Variants in PPFIA3 observed in about 807,000 individuals in gnomAD.
PPFIA3 encodes the protein liprin-alpha-3.
PPFIA3 carries 26 observed loss-of-function variants against 145.8 expected under a neutral mutation model. That is an observed-to-expected ratio of 0.18 (90% CI 0.13 to 0.25). The LOEUF (loss-of-function observed/expected upper bound fraction) is 0.25. Ranked by LOEUF, PPFIA3 falls within the 10% of genes least tolerant of loss-of-function variation. The probability of loss-of-function intolerance (pLI) is 1.00; values close to 1 mark genes in which losing one functional copy is unlikely to be tolerated. For synonymous variants in PPFIA3, 645 were observed against 661.4 expected (o/e 0.98, Z 0.38); for missense variants, 1,008 against 1,587.8 (o/e 0.63, Z 6.21).
rs746307537 is a variant in PPFIA3 at position 49,141,516 on chromosome 19, G to A, written c.2462+3G>A. The A allele has an allele frequency of 1.5e-5, 24 of 1,608,358 alleles. No homozygotes were observed. The South Asian group carries it at 2.2e-4, about 15-fold the overall frequency. On this transcript the variant is annotated splice_donor_region_variant and intron_variant, in intron 19 of 29. Transcript: ENST00000334186. ...AAGGACCGAAGGAACAAGAGGAAGT[G>A]AGTGTGTGTGAGTGTGAGCGTGTGT...
Position 49,128,286 on chromosome 19 carries a change from T to C in PPFIA3, c.241-81T>C, listed in dbSNP as rs1244418383. On this transcript the variant is annotated intron_variant, in intron 2 of 29. Transcript: ENST00000334186. This position sits in a 1 kb window ranked among gnomAD's most constrained non-coding sequence, Gnocchi z 4.1. ...GGGACTTAGCAGGGAGGGCGGGACC[T>C]TCAAACTTCCAGTCCCAGTGAATGA... 3 of 1,553,398 alleles carry C rather than the reference T, an allele frequency of 1.9e-6. No individual in the cohort carries two copies. The highest frequency in any genetic ancestry group is 2.7e-6 in the Non-Finnish European group (3 of 1,126,776).
At chr19:49,143,154 A>T in intron 21 of PPFIA3, 150 bp downstream of exon 21, 1 of 911,488 alleles carries the variant, frequency 1.1e-6, no homozygotes, top group East Asian at 2.7e-5. Context: ...CTCCACTCCT[A>T]ACTTGGCCTG....
At position 49,133,967 on chromosome 19, in the gene PPFIA3, G is replaced by A. The variant is rs1600335191; in HGVS notation, c.1246-67G>A. 6.2e-7 allele frequency: 1 copy of A among 1,605,188 alleles called. No individual in the cohort carries two copies. The highest frequency in any genetic ancestry group is 1.1e-5 in the South Asian group (1 of 90,012). ...AGGCTGGGCTGGGCCCGGGGGTGGG[G>A]CTTAGAGGAAGGGCCGTGGTCTGGG... On this transcript the variant is annotated intron_variant, in intron 10 of 29. Transcript: ENST00000334186. This position sits in a 1 kb window ranked among gnomAD's most constrained non-coding sequence, Gnocchi z 7.2.
rs2041055781 is a variant in PPFIA3 at position 49,130,512 on chromosome 19, C to T, written c.792C>T (p.Ser264=). 1.3e-6 allele frequency: 2 copies of T among 1,594,456 alleles called. No individual in the cohort carries two copies. The highest frequency in any genetic ancestry group is 8.5e-7 in the Non-Finnish European group (1 of 1,171,464). ...TGGCGGTGCTGTGCCGTCAGATGAG[C>T]CAGCTGGAGGAGGAGTTGGGCACCG... The part of the protein sequence containing the change: ...ERLAVLCRQM[S]QLEEELGTAH... Residue 264 remains serine, a synonymous_variant, in exon 7 of 30, where the codon AGC becomes AGT. Coordinates refer to ENST00000334186, the MANE Select transcript of PPFIA3 (RefSeq NM_003660.4). The surrounding 1 kb of genome is among the most constrained non-coding windows in gnomAD (Gnocchi z 4.5).
rs2041049006 is a variant in PPFIA3 at position 49,129,996 on chromosome 19, C to T, written c.586C>T (p.Leu196=). The T allele has an allele frequency of 6.2e-7, 1 of 1,613,792 alleles. No homozygotes were observed. The change falls in exon 6 of 30, where the codon CTG becomes TTG. Residue 196 remains leucine (L), a synonymous_variant. Transcript: ENST00000334186. ...EELELSNQET[L]NLREQLSRRR... ...GATTCCCCTTTCACACTTCCAGACT[C>T]TGAACCTTCGAGAACAGCTGTCTAG...
At chr19:49,146,861 T>C (rs771593580) in intron 23 of PPFIA3, among the ~76,000 whole-genome samples, 4 of 150,828 alleles carry the variant, frequency 2.7e-5, no homozygotes, top group East Asian at 3.9e-4. Flanking sequence ...ACCCAGGAGG[T>C]AGAGGTTGCA....
intron 1 of PPFIA3, among the ~76,000 whole-genome samples, chr19:49,124,884 T>C (rs984882046): frequency 2.0e-5 from 3 of 152,040 alleles, no homozygotes; most frequent in African/African-American, 7.2e-5. Context: ...GCTAACATGG[T>C]GAAACCCGTC....
intron 24 of PPFIA3, 186 bp downstream of exon 24, chr19:49,148,444 T>G: frequency 1.2e-6 from 1 of 803,308 alleles, no homozygotes; most frequent in Non-Finnish European, 1.9e-6. Context: ...GTTCAGATCC[T>G]GAAATGGCTT....
intron 1 of PPFIA3, among the ~76,000 whole-genome samples, chr19:49,125,659 G>C (rs2122530085): frequency 6.6e-6 from 1 of 152,350 alleles, no homozygotes; most frequent in Middle Eastern, 3.4e-3. Context: ...GCCTGGGGGA[G>C]GAGGAGCCTG....
At chr19:49,138,778 T>C (rs1042540568) in intron 16 of PPFIA3, among the ~76,000 whole-genome samples, 2 of 152,192 alleles carry the variant, frequency 1.3e-5, no homozygotes, top group African/African-American at 4.8e-5. Flanking sequence ...GAGACCCACC[T>C]GGCCAACATG....
intron 19 of PPFIA3, 86 bp downstream of exon 19, chr19:49,141,599 T>TGA (rs1425409237): frequency 6.7e-6 from 7 of 1,049,288 alleles, no homozygotes; most frequent in Non-Finnish European, 5.5e-6. Flanking sequence ...TGTGTGTGTA[T>TGA]GAGTGTGTGT....
At chr19:49,137,660 T>TAAAAAAAAAAAAAAAAAAAAAAAAA (rs1325560140) in intron 15 of PPFIA3, among the ~76,000 whole-genome samples, 1 of 57,464 alleles carries the variant, frequency 1.7e-5, no homozygotes, top group Non-Finnish European at 4.0e-5. Flanking sequence ...AAAAAAAAAG[T>TAAAAAAAAAAAAAAAAAAAAAAAAA]CCCCAACTTA....
rs767094340 is a variant in PPFIA3, at chr19:49,148,309, G to A, written c.3011+51G>A. The A allele has an allele frequency of 1.9e-6, 3 of 1,564,784 alleles. No individual in the cohort carries two copies. In the South Asian group the frequency reaches 3.6e-5, roughly 19 times the overall value. Reference sequence around the variant, plus strand: ...CAGTCCAAAGGGAAGCCCCACCCCAGAGAGTCTTTGGCCAATAGGATTGGC... The same window carrying A: ...CAGTCCAAAGGGAAGCCCCACCCCAAAGAGTCTTTGGCCAATAGGATTGGC... On this transcript the variant is annotated intron_variant, in intron 24 of 29. Coordinates refer to ENST00000334186, the MANE Select transcript of PPFIA3 (RefSeq NM_003660.4).
intron 1 of PPFIA3, among the ~76,000 whole-genome samples, chr19:49,122,542 T>C (rs544599481): frequency 6.6e-6 from 1 of 152,304 alleles, no homozygotes; most frequent in East Asian, 1.9e-4. Flanking sequence ...TAGATTCCAT[T>C]CTCTTCCCAG....
chr19:49,128,608 C>A lies in PPFIA3; in HGVS notation c.342+140C>A. The A allele has an allele frequency of 1.2e-6, 1 of 834,728 alleles. No individual in the cohort carries two copies. Among genetic ancestry groups the A allele is most frequent in the Non-Finnish European group, 1.9e-6 (1 of 529,646 alleles). 51.7% of individuals were successfully genotyped at this position (834,728 alleles called of 1,614,324 possible). ...TCTGTCTTCTCCTCTTCCCTGCTCCCACTTCCTGGCTGGTCTCCCACTCTG... is the reference window on the plus strand; with the variant it reads ...TCTGTCTTCTCCTCTTCCCTGCTCCAACTTCCTGGCTGGTCTCCCACTCTG... On this transcript the variant is annotated intron_variant, in intron 3 of 29. Coordinates refer to ENST00000334186, the MANE Select transcript of PPFIA3 (RefSeq NM_003660.4). This position sits in a 1 kb window ranked among gnomAD's most constrained non-coding sequence, Gnocchi z 4.1.
At chr19:49,138,169 G>C (rs370354084) in intron 15 of PPFIA3, 36 bp from the exon 16 acceptor site, 1 of 1,522,682 alleles carries the variant, frequency 6.6e-7, no homozygotes, top group Non-Finnish European at 8.9e-7. Context: ...TGTCTGCTGC[G>C]GCCCCTCACC....
rs140957957 is a variant in PPFIA3, at chr19:49,124,630, C to A, written c.-15-3229C>A. On this transcript the variant is annotated intron_variant, in intron 1 of 29. Coordinates refer to ENST00000334186, the MANE Select transcript of PPFIA3 (RefSeq NM_003660.4). ...CGTGGAAGCATACGTCTATTCCCCA[C>A]CCTGTACTGTGTGTAGTAACCTTCT... Among the ~76,000 whole-genome samples the A allele has an allele frequency of 6.7e-3, 1,026 of 152,284 alleles. 7 individuals are homozygous for A. Among genetic ancestry groups the A allele is most frequent in the Non-Finnish European group, 0.011 (737 of 68,026 alleles).
chr19:49,144,090 C>T (rs1318883871), intron 21 of PPFIA3, among the ~76,000 whole-genome samples: 1 of 152,028 alleles, frequency 6.6e-6, no homozygotes, highest in East Asian at 1.9e-4. Context: ...ACTGCAACCT[C>T]TGCCTCCTGG....
At chr19:49,147,949 G>C in intron 23 of PPFIA3, 134 bp from the exon 24 acceptor site, 1 of 880,408 alleles carries the variant, frequency 1.1e-6, no homozygotes, top group Non-Finnish European at 1.7e-6. Context: ...CCATTATCCT[G>C]AGCAGAGATT....
Sources: gnomAD v4.1 joint callset for allele counts (sites outside exome capture counted in the v4.1 genomes callset) on GRCh38, gnomAD v4.1.1 for gene constraint, Gnocchi (gnomAD v3.1) non-coding constraint, MANE v1.5 for transcripts, NCBI Gene and HGNC (gene_info 2026-07-23, HGNC 2026-07-21) for gene names.